SH3BGRL2: variants seen among roughly 807,000 people sequenced by gnomAD.
SH3BGRL2 encodes SH3 domain-binding glutamic acid-rich-like protein 2.
A neutral mutation model predicts 14.8 loss-of-function variants in SH3BGRL2; 21 were observed. The observed-to-expected ratio is 1.42, with a 90% confidence interval of 1.01 to 2.05. The LOEUF (loss-of-function observed/expected upper bound fraction) is 2.05, where lower values mean the gene tolerates loss of function less well. Ranked by LOEUF, SH3BGRL2 falls within the 30% of genes most tolerant of loss-of-function variation. The pLI is 0.00. For missense variants in SH3BGRL2, 147 were observed against 130.8 expected (o/e 1.12, Z -0.61); for synonymous variants, 50 against 47.8 (o/e 1.05, Z -0.19).
At chr6:79,586,963 A>G in the SH3BGRL2 span, among the ~76,000 whole-genome samples, 1 of 152,242 alleles carries the variant, frequency 6.6e-6, no homozygotes, top group African/African-American at 2.4e-5. Context: ...CAGGGAGCGG[A>G]TTAAAAATGT....
At chr6:79,654,652 T>C (rs1160662936) in intron 1 of SH3BGRL2, among the ~76,000 whole-genome samples, 2 of 152,194 alleles carry the variant, frequency 1.3e-5, no homozygotes, top group Non-Finnish European at 2.9e-5. Flanking sequence ...TATTATTCTT[T>C]TACTCTCCCT....
the SH3BGRL2 span, among the ~76,000 whole-genome samples, chr6:79,624,458 A>G: frequency 6.6e-6 from 1 of 152,034 alleles, no homozygotes; most frequent in Non-Finnish European, 1.5e-5. Context: ...AATATCTGAT[A>G]TTTTCCTTTA....
chr6:79,577,084 G>GA, the SH3BGRL2 span, among the ~76,000 whole-genome samples: 1 of 151,814 alleles, frequency 6.6e-6, no homozygotes, highest in Admixed American at 6.6e-5. Context: ...TCTCTTTTTT[G>GA]AAAAATAACT....
the SH3BGRL2 span, among the ~76,000 whole-genome samples, chr6:79,580,887 G>A: frequency 5.9e-5 from 9 of 152,064 alleles, no homozygotes; most frequent in Admixed American, 2.0e-4. Flanking sequence ...TTGATAGACC[G>A]CTAGCAAGAC....
At chr6:79,607,667 A>G in the SH3BGRL2 span, among the ~76,000 whole-genome samples, 81 of 152,300 alleles carry the variant, frequency 5.3e-4, no homozygotes, top group Admixed American at 2.0e-3. Context: ...AAAAGAGGCC[A>G]GGCACGGTGG....
Position 79,631,360 on chromosome 6 carries a change from T to A in SH3BGRL2, c.-102T>A. 2 of 1,115,948 alleles carry A rather than the reference T, an allele frequency of 1.8e-6. No individual in the cohort carries two copies. Among genetic ancestry groups the A allele is most frequent in the Non-Finnish European group, 2.4e-6 (2 of 833,248 alleles). 69.1% of individuals were successfully genotyped at this position (1,115,948 alleles called of 1,614,324 possible). On this transcript the variant is annotated 5_prime_UTR_variant, in exon 1 of 4. Coordinates refer to ENST00000369838, the MANE Select transcript of SH3BGRL2 (RefSeq NM_031469.4). ...CAGCGATCTTCCCCGACGGCAGCGC[T>A]TTACCCAGAGGCTGCCGGCGGCTCG...
chr6:79,596,342 T>G, the SH3BGRL2 span, among the ~76,000 whole-genome samples: 6 of 152,180 alleles, frequency 3.9e-5, no homozygotes, highest in East Asian at 1.2e-3. Context: ...AATTTTTTTG[T>G]AGAGATGGGT....
the SH3BGRL2 span, among the ~76,000 whole-genome samples, chr6:79,612,728 A>T: frequency 6.6e-6 from 1 of 152,164 alleles, no homozygotes; most frequent in African/African-American, 2.4e-5. Flanking sequence ...GCTCACATCA[A>T]CTGAAAGCAG....
the SH3BGRL2 span, among the ~76,000 whole-genome samples, chr6:79,601,264 T>G: frequency 6.6e-6 from 1 of 152,242 alleles, no homozygotes; most frequent in Non-Finnish European, 1.5e-5. Context: ...CATGGCTCAC[T>G]GCAGCCTTGA....
chr6:79,657,837 T>A (rs116290520), intron 1 of SH3BGRL2, among the ~76,000 whole-genome samples: 5,321 of 152,280 alleles, frequency 0.035, 314 homozygotes, highest in African/African-American at 0.12. Flanking sequence ...TTAGCCATTT[T>A]TAAATTATAC....
At chr6:79,607,695 A>G in the SH3BGRL2 span, among the ~76,000 whole-genome samples, 1 of 152,298 alleles carries the variant, frequency 6.6e-6, no homozygotes, top group South Asian at 2.1e-4. Flanking sequence ...CTGTAATCCC[A>G]GAACTTTGGG....
At chr6:79,598,938 G>A in the SH3BGRL2 span, among the ~76,000 whole-genome samples, 180 of 151,982 alleles carry the variant, frequency 1.2e-3, no homozygotes, top group African/African-American at 4.1e-3. Context: ...AAAATTAGCC[G>A]GGTGTGGTGG....
the SH3BGRL2 span, among the ~76,000 whole-genome samples, chr6:79,549,742 A>G: frequency 1.3e-5 from 2 of 152,246 alleles, no homozygotes; most frequent in South Asian, 2.1e-4. Flanking sequence ...CTCATCTTTT[A>G]TAACAGTGAG....
chr6:79,616,635 A>G, the SH3BGRL2 span, among the ~76,000 whole-genome samples: 1 of 152,168 alleles, frequency 6.6e-6, no homozygotes, highest in African/African-American at 2.4e-5. Flanking sequence ...CTGACTTCAG[A>G]GCTCATTCTC....
the SH3BGRL2 span, among the ~76,000 whole-genome samples, chr6:79,601,332 G>A: frequency 6.6e-6 from 1 of 152,116 alleles, no homozygotes; most frequent in Non-Finnish European, 1.5e-5. Flanking sequence ...GGGACTATAG[G>A]CATGCAGCAC....
At chr6:79,694,528 T>C (rs550619968) in intron 2 of SH3BGRL2, among the ~76,000 whole-genome samples, 4 of 152,304 alleles carry the variant, frequency 2.6e-5, no homozygotes, top group African/African-American at 9.6e-5. Context: ...TTACAAGAAA[T>C]TACAAATTTT....
chr6:79,644,965 G>A (rs1769099820), intron 1 of SH3BGRL2, among the ~76,000 whole-genome samples: 2 of 152,200 alleles, frequency 1.3e-5, no homozygotes, highest in African/African-American at 2.4e-5. Flanking sequence ...TTGGAGACCA[G>A]CCTGGCCAAA....
chr6:79,637,361 C>A (rs955722515), intron 1 of SH3BGRL2, among the ~76,000 whole-genome samples: 7 of 152,158 alleles, frequency 4.6e-5, no homozygotes, highest in African/African-American at 1.7e-4. Flanking sequence ...CTTGAAGAAA[C>A]TAATTTTTTT....
At chr6:79,558,569 A>C in the SH3BGRL2 span, among the ~76,000 whole-genome samples, 1 of 152,136 alleles carries the variant, frequency 6.6e-6, no homozygotes, top group Admixed American at 6.5e-5. Flanking sequence ...GTTCTCTGTG[A>C]CATAAGAAAG....
Sources: allele counts gnomAD v4.1 joint callset (sites outside exome capture counted in the v4.1 genomes callset), GRCh38; gene constraint gnomAD v4.1.1; transcripts MANE v1.5; gene names NCBI Gene and HGNC (gene_info 2026-07-23, HGNC 2026-07-21).